Variants in HSPA12A observed in about 807,000 individuals in gnomAD.
The protein encoded by HSPA12A is heat shock protein family A (Hsp70) member 12A.
A neutral mutation model predicts 69.2 loss-of-function variants in HSPA12A; 28 were observed. The ratio of observed to expected loss-of-function variants is 0.40; its 90% CI spans 0.30 to 0.55. The LOEUF is 0.55. Among genes scored for constraint, HSPA12A ranks in the 20% least tolerant of loss-of-function variants. The pLI, the probability that HSPA12A is intolerant of heterozygous loss-of-function variation, is 0.38. For synonymous variants in HSPA12A, 345 were observed against 370.5 expected, an observed-to-expected ratio of 0.93 and a Z score of 0.79; for missense variants, 686 against 900.7, an observed-to-expected ratio of 0.76 and a Z score of 3.05.
At chr10:116,799,977 C>G (rs1483257553) in intron 2 of HSPA12A, among the ~76,000 whole-genome samples, 1 of 152,154 alleles carries the variant, frequency 6.6e-6, no homozygotes, top group Non-Finnish European at 1.5e-5. Flanking sequence ...GAAGGATTTT[C>G]GTCGCCATGG....
In HSPA12A at chr10:116,674,938, A is replaced by T; in HGVS notation, c.1871T>A (p.Leu624His). The T allele has an allele frequency of 6.2e-7, 1 of 1,614,032 alleles. No individual in the cohort carries two copies. The highest frequency in any genetic ancestry group is 8.5e-7 in the Non-Finnish European group (1 of 1,180,014). ...ACTGGTCCCTGTGAGATCCAGGCGG[A>T]GCGTGCCACACTTCTTCACCCCGGG... ...TDPGVKKCGT[L>H]RLDLTGTSGT... The change falls in exon 12 of 12, where the codon CTC becomes CAC. Residue 624 changes from leucine to histidine, a missense_variant. Leu to His is a moderately conservative substitution (Grantham distance 99). Coordinates refer to ENST00000369209, the MANE Select transcript of HSPA12A (RefSeq NM_025015.3).
chr10:116,676,094 G>C (rs528580902), intron 11 of HSPA12A, among the ~76,000 whole-genome samples: 1 of 152,338 alleles, frequency 6.6e-6, no homozygotes, highest in African/African-American at 2.4e-5. Context: ...TTGTTTTAAA[G>C]TTTTGTTTGT....
At chr10:116,828,084 T>C (rs1845544462) in intron 2 of HSPA12A, among the ~76,000 whole-genome samples, 2 of 152,236 alleles carry the variant, frequency 1.3e-5, no homozygotes, top group African/African-American at 4.8e-5. Flanking sequence ...TTGTTCTTAT[T>C]ATGTTGTTAT....
chr10:116,705,893 C>CTTTTTT (rs369606540), intron 2 of HSPA12A, among the ~76,000 whole-genome samples: 4 of 115,618 alleles, frequency 3.5e-5, no homozygotes, highest in African/African-American at 6.5e-5. Context: ...TCTCTCTCTC[C>CTTTTTT]TTTTTTTTTT....
In HSPA12A at chr10:116,732,328, CAAAG is replaced by C. The variant is rs3034012; in HGVS notation, c.40+10098_40+10101del. Among the ~76,000 whole-genome samples, 69 of 124,180 alleles carry C rather than the reference CAAAG, an allele frequency of 5.6e-4. 5 individuals carry two copies. The highest frequency in any genetic ancestry group is 4.3e-3 in the Middle Eastern group (1 of 234). 81.5% of individuals were successfully genotyped at this position (124,180 alleles called of 152,430 possible). A position where few individuals can be genotyped will look rare whatever the true frequency, so the allele number is the denominator to read the frequency against. ...CTGGGTGACTCCGTCTCAAAAAAAA[CAAAG>C]AAAGAAAGAAAGAAAGAAAGAGACA... On this transcript the variant is annotated intron_variant, in intron 1 of 11. Transcript: ENST00000369209.
rs146698512 is a variant in HSPA12A, at chr10:116,679,481, C to T, written c.1286+22G>A. The T allele has an allele frequency of 6.5e-5, 104 of 1,609,476 alleles. No homozygotes were observed. The East Asian group carries it at 1.9e-3, about 30-fold the overall frequency. Reference sequence around the variant, plus strand: ...TCCACCCGCTAGAATGTCCAGAGCCCGAGGTGATGAGCCCAACTCACTTGC... The same window carrying T: ...TCCACCCGCTAGAATGTCCAGAGCCTGAGGTGATGAGCCCAACTCACTTGC... On this transcript the variant is annotated intron_variant, in intron 10 of 11. Coordinates refer to ENST00000369209, the MANE Select transcript of HSPA12A (RefSeq NM_025015.3).
At chr10:116,681,538 C>T (rs1319273432) in intron 8 of HSPA12A, among the ~76,000 whole-genome samples, 3 of 152,196 alleles carry the variant, frequency 2.0e-5, no homozygotes, top group Non-Finnish European at 1.5e-5. Context: ...TTTCCTGCCA[C>T]GTGAATAGTG....
intron 2 of HSPA12A, among the ~76,000 whole-genome samples, chr10:116,824,848 G>A (rs1428082711): frequency 6.6e-6 from 1 of 151,962 alleles, no homozygotes; most frequent in Non-Finnish European, 1.5e-5. Flanking sequence ...TGGCCAGGAT[G>A]GTCTTGATCT....
chr10:116,785,967 CTT>C (rs1471113959), intron 2 of HSPA12A, among the ~76,000 whole-genome samples: 3 of 152,198 alleles, frequency 2.0e-5, no homozygotes, highest in Admixed American at 6.5e-5. Flanking sequence ...GCTTACATCT[CTT>C]TGTGGCCCTG....
intron 9 of HSPA12A, among the ~76,000 whole-genome samples, chr10:116,680,003 T>G (rs1849358845): frequency 6.6e-6 from 1 of 152,228 alleles, no homozygotes; most frequent in Non-Finnish European, 1.5e-5. Context: ...GTTTTCTTTT[T>G]TTTGAGACAA....
intron 5 of HSPA12A, among the ~76,000 whole-genome samples, chr10:116,695,300 G>T (rs1433120626): frequency 6.6e-6 from 1 of 152,146 alleles, no homozygotes; most frequent in Non-Finnish European, 1.5e-5. Context: ...GTACTCCCCA[G>T]TGCAACTGTG....
chr10:116,733,507 G>A (rs1851224394), intron 1 of HSPA12A, among the ~76,000 whole-genome samples: 1 of 152,192 alleles, frequency 6.6e-6, no homozygotes. Context: ...TCAGTTTATA[G>A]GAAGCAAAGG....
chr10:116,827,504 C>G (rs371192759), intron 2 of HSPA12A: 1 of 152,366 alleles, frequency 6.6e-6, no homozygotes, highest in East Asian at 1.9e-4. Context: ...GTACAGACAC[C>G]GCCAGTGCTG....
At chr10:116,733,697 A>C (rs1564800809) in intron 1 of HSPA12A, among the ~76,000 whole-genome samples, 1 of 152,174 alleles carries the variant, frequency 6.6e-6, no homozygotes. Context: ...CAGTCTCAAA[A>C]TTTCAAATGA....
intron 2 of HSPA12A, among the ~76,000 whole-genome samples, chr10:116,797,996 C>A (rs1621857): frequency 6.6e-6 from 1 of 151,900 alleles, no homozygotes; most frequent in African/African-American, 2.4e-5. Flanking sequence ...GGGAACACAG[C>A]CATGGGAACT....
chr10:116,826,592 CTGTTT>C (rs1177400322), intron 2 of HSPA12A, among the ~76,000 whole-genome samples: 1 of 152,138 alleles, frequency 6.6e-6, no homozygotes, highest in Non-Finnish European at 1.5e-5. Flanking sequence ...GCTTTTCTTT[CTGTTT>C]TAAGATCTCA....
chr10:116,700,889 G>A, intron 4 of HSPA12A, 54 bp downstream of exon 4: 1 of 1,570,514 alleles, frequency 6.4e-7, no homozygotes, highest in South Asian at 1.1e-5. Flanking sequence ...AAGGCTGGAG[G>A]AAGCTTGGCA....
intron 2 of HSPA12A, chr10:116,832,083 G>A (rs1242378607): frequency 1.3e-5 from 2 of 152,210 alleles, no homozygotes; most frequent in East Asian, 3.9e-4. Context: ...GACAAAGAAG[G>A]TCACCAAAGA....
At chr10:116,728,391 T>C (rs1419704291) in intron 1 of HSPA12A, among the ~76,000 whole-genome samples, 1 of 152,212 alleles carries the variant, frequency 6.6e-6, no homozygotes, top group African/African-American at 2.4e-5. Flanking sequence ...CATCTGTACC[T>C]GGAGACAGGA....
Sources: gnomAD v4.1 joint callset for allele counts (sites outside exome capture counted in the v4.1 genomes callset) on GRCh38, gnomAD v4.1.1 for gene constraint, MANE v1.5 for transcripts, NCBI Gene and HGNC (gene_info 2026-07-23, HGNC 2026-07-21) for gene names.